The following SLIT2 variants were observed in gnomAD, a reference collection of about 807,000 sequenced individuals.
SLIT2 encodes the protein slit homolog 2 protein.
In SLIT2, 41 loss-of-function variants were observed where a neutral mutation model predicts 185.7. That is an observed-to-expected ratio of 0.22 (90% confidence interval 0.17 to 0.29). SLIT2 has a LOEUF of 0.29. Ranked by LOEUF, SLIT2 falls within the 10% of genes least tolerant of loss-of-function variation. SLIT2 has a pLI of 1.00. For missense variants in SLIT2, 1,571 were observed against 1,909.0 expected (o/e 0.82, Z 3.30); for synonymous variants, 693 against 680.2 (o/e 1.02, Z -0.29).
Position 20,284,261 on chromosome 4 carries a change from A to G in SLIT2, c.395+15380A>G, listed in dbSNP as rs60190935. 5.0e-3 allele frequency among the ~76,000 whole-genome samples: 763 copies of G among 152,322 alleles called. 7 individuals are homozygous for G. The highest frequency in any genetic ancestry group is 0.018 in the African/African-American group (741 of 41,574). On this transcript the variant is annotated intron_variant, in intron 4 of 36. Transcript: ENST00000504154. ...ACTTACTTTTTAACATAATGAATCC[A>G]CAAACCTCTAGCCTGGGGACTTAAA... is the stretch of plus-strand genomic sequence containing the variant.
intron 9 of SLIT2, among the ~76,000 whole-genome samples, chr4:20,508,519 A>T (rs1405805389): frequency 6.6e-6 from 1 of 152,096 alleles, no homozygotes; most frequent in Non-Finnish European, 1.5e-5. Context: ...CAATACATGT[A>T]TGATATGTTA....
At position 20,542,602 on chromosome 4, in the gene SLIT2, G is replaced by A. The variant is rs369904987; in HGVS notation, c.2252G>A (p.Gly751Asp). The A allele has an allele frequency of 4.3e-6, 7 of 1,613,694 alleles. No homozygotes were observed. Among genetic ancestry groups the A allele is most frequent in the South Asian group, 1.1e-5 (1 of 91,064 alleles). The stretch of plus-strand genomic sequence containing the variant: ...AAGGGTTTGAAGGTCTTGCCGAAAG[G>A]TATTCCAAGAGATGTCACAGAGTTG... ...SNKGLKVLPK[G>D]IPRDVTELYL... The change falls in exon 21 of 37, where the codon GGT becomes GAT. Residue 751 changes from glycine (G) to aspartate (D), a missense_variant. This residue lies in a region of SLIT2 where 1,202 missense variants were observed against 1,416.4 expected (regional missense o/e 0.85). Coordinates refer to ENST00000504154, the MANE Select transcript of SLIT2 (RefSeq NM_004787.4).
intron 21 of SLIT2, among the ~76,000 whole-genome samples, chr4:20,545,329 A>G (rs971097900): frequency 1.3e-5 from 2 of 152,018 alleles, no homozygotes; most frequent in African/African-American, 4.8e-5. Context: ...GACATAATAG[A>G]TATAACTTCA....
intron 12 of SLIT2, among the ~76,000 whole-genome samples, chr4:20,522,987 A>C (rs1720966233): frequency 6.6e-6 from 1 of 152,308 alleles, no homozygotes; most frequent in East Asian, 1.9e-4. Context: ...AAATAGAAAT[A>C]GATCAAAGTA....
At chr4:20,582,483 C>T (rs1436961808) in intron 29 of SLIT2, among the ~76,000 whole-genome samples, 1 of 152,174 alleles carries the variant, frequency 6.6e-6, no homozygotes, top group Non-Finnish European at 1.5e-5. Context: ...GTACTGAAGC[C>T]AGTTGCTATC....
chr4:20,320,712 C>G (rs566888971), intron 4 of SLIT2, among the ~76,000 whole-genome samples: 1 of 152,160 alleles, frequency 6.6e-6, no homozygotes, highest in Non-Finnish European at 1.5e-5. Flanking sequence ...ACTAATATCA[C>G]AAAGGGGTTA....
At position 20,523,754 on chromosome 4, in the gene SLIT2, A is replaced by G. The variant is rs367882568; in HGVS notation, c.1131-6A>G. On this transcript the variant is annotated splice_polypyrimidine_tract_variant and splice_region_variant and intron_variant, in intron 12 of 36. Transcript: ENST00000504154. ...ACTTTAATTCTACAACTATTTAATC[A>G]AACAGATTATTGAATGCCAACAAGA... is the stretch of plus-strand genomic sequence containing the variant. The G allele has an allele frequency of 5.9e-5, 95 of 1,613,098 alleles. No individual in the cohort carries two copies. The highest frequency in any genetic ancestry group is 4.1e-4 in the African/African-American group (31 of 74,930).
chr4:20,496,463 A>C (rs1446407367), intron 9 of SLIT2, among the ~76,000 whole-genome samples: 1 of 152,180 alleles, frequency 6.6e-6, no homozygotes, highest in Admixed American at 6.5e-5. Flanking sequence ...TATGAAATTA[A>C]ATAAAATAGT....
intron 29 of SLIT2, among the ~76,000 whole-genome samples, chr4:20,583,596 G>T (rs1240711109): frequency 6.6e-6 from 1 of 152,024 alleles, no homozygotes; most frequent in Admixed American, 6.6e-5. Flanking sequence ...TGGATCACAG[G>T]GTCAAGAGAT....
At chr4:20,562,938 A>C (rs1406081880) in intron 26 of SLIT2, among the ~76,000 whole-genome samples, 1 of 151,708 alleles carries the variant, frequency 6.6e-6, no homozygotes, top group East Asian at 1.9e-4. Flanking sequence ...ATATAGCTAG[A>C]AGTTTTTGTC....
chr4:20,420,281 G>A (rs948035906), intron 4 of SLIT2, among the ~76,000 whole-genome samples: 5 of 152,044 alleles, frequency 3.3e-5, no homozygotes, highest in Non-Finnish European at 7.4e-5. Context: ...GGTGCTTTTG[G>A]ATTCAGGCAG....
rs770977910 is a variant in SLIT2, at chr4:20,486,232, C to A, written c.572C>A (p.Ser191Tyr). 6.2e-7 allele frequency: 1 copy of A among 1,606,156 alleles called. No homozygotes were observed. The highest frequency in any genetic ancestry group is 8.5e-7 in the Non-Finnish European group (1 of 1,173,130). ...AACAATAACAACATTACTAGACTTT[C>A]TGTGGCAAGTTTCAACCATATGCCT... ...TLNNNNITRL[S>Y]VASFNHMPKL... Residue 191 changes from serine (S) to tyrosine (Y), a missense_variant, in exon 7 of 37, where the codon TCT (serine) becomes TAT (tyrosine). By Grantham distance (144) the Ser-to-Tyr change is moderately radical. Around this residue, in one of 3 missense-constraint regions of SLIT2, gnomAD observed 1,202 missense variants for 1,416.4 expected, o/e 0.85. Coordinates refer to ENST00000504154, the MANE Select transcript of SLIT2 (RefSeq NM_004787.4).
At chr4:20,301,476 A>T (rs1717030615) in intron 4 of SLIT2, among the ~76,000 whole-genome samples, 1 of 152,120 alleles carries the variant, frequency 6.6e-6, no homozygotes, top group African/African-American at 2.4e-5. Flanking sequence ...ACCAATGGCC[A>T]GGCATTAACG....
intron 4 of SLIT2, among the ~76,000 whole-genome samples, chr4:20,430,458 G>GA (rs1228002480): frequency 4.6e-5 from 7 of 152,100 alleles, no homozygotes; most frequent in South Asian, 2.1e-4. Context: ...CAGCGTCAGG[G>GA]AAAAAAATGT....
At chr4:20,343,385 A>G (rs1577468105) in intron 4 of SLIT2, among the ~76,000 whole-genome samples, 1 of 151,998 alleles carries the variant, frequency 6.6e-6, no homozygotes, top group Non-Finnish European at 1.5e-5. Flanking sequence ...TATTTTATCC[A>G]TGTTGCTGCA....
At chr4:20,469,896 T>C (rs1374082184) in intron 5 of SLIT2, among the ~76,000 whole-genome samples, 1 of 151,594 alleles carries the variant, frequency 6.6e-6, no homozygotes, top group Non-Finnish European at 1.5e-5. Flanking sequence ...CCTGGGATTA[T>C]AGGCACTCGC....
chr4:20,547,721 A>AT (rs373226045), intron 22 of SLIT2, among the ~76,000 whole-genome samples: 1 of 150,244 alleles, frequency 6.7e-6, no homozygotes, highest in Non-Finnish European at 1.5e-5. Flanking sequence ...ATTTTAATAT[A>AT]TTTTTTACAT....
chr4:20,441,514 CTTCTGTCT>C (rs1729742412), intron 4 of SLIT2, among the ~76,000 whole-genome samples: 1 of 122,802 alleles, frequency 8.1e-6, no homozygotes, highest in African/African-American at 3.2e-5. Context: ...CCCCCCCCCA[CTTCTGTCT>C]CTCTCTCTCT....
rs555048567 is a variant in SLIT2 at position 20,289,388 on chromosome 4, A to G, written c.395+20507A>G. Among the ~76,000 whole-genome samples, 39 of 152,164 alleles carry G rather than the reference A, an allele frequency of 2.6e-4. No homozygotes were observed. In the South Asian group the frequency reaches 7.9e-3, roughly 31 times the overall value. ...CCAGCTTGCTTTTTGAGTAGTTACTATTGTTGTTGCCATTGCTATTTTCTT... is the reference window on the plus strand; with the variant it reads ...CCAGCTTGCTTTTTGAGTAGTTACTGTTGTTGTTGCCATTGCTATTTTCTT... On this transcript the variant is annotated intron_variant, in intron 4 of 36. Coordinates refer to ENST00000504154, the MANE Select transcript of SLIT2 (RefSeq NM_004787.4).
Sources: gnomAD v4.1 joint callset for allele counts (sites outside exome capture counted in the v4.1 genomes callset) on GRCh38, gnomAD v4.1.1 for gene constraint, gnomAD v4.1.1 regional missense constraint, MANE v1.5 for transcripts, NCBI Gene and HGNC (gene_info 2026-07-23, HGNC 2026-07-21) for gene names.